The following ACKR3 variants were observed in gnomAD, a reference collection of about 807,000 sequenced individuals.
The protein encoded by ACKR3 is atypical chemokine receptor 3, also known as C-X-C chemokine receptor type 7.
Under a neutral mutation model 22.4 loss-of-function variants are expected in ACKR3, and 6 were observed. The observed-to-expected ratio is 0.27, with a 90% CI of 0.15 to 0.53. ACKR3 has a LOEUF of 0.53. ACKR3 is among the 20% of genes least tolerant of loss of function. The pLI is 0.96. For missense variants in ACKR3, 396 were observed against 475.2 expected, an observed-to-expected ratio of 0.83 and a Z score of 1.55; for synonymous variants, 209 against 205.2, an observed-to-expected ratio of 1.02 and a Z score of -0.16.
chr2:236,553,379 C>T, the ACKR3 span, among the ~76,000 whole-genome samples: 30 of 152,346 alleles, frequency 2.0e-4, no homozygotes, highest in South Asian at 1.7e-3. Flanking sequence ...GGCAGATATA[C>T]GCTTACAGTC....
At chr2:236,570,471 T>C (rs776652201) in intron 1 of ACKR3, among the ~76,000 whole-genome samples, 11 of 152,202 alleles carry the variant, frequency 7.2e-5, no homozygotes, top group Non-Finnish European at 1.3e-4. Flanking sequence ...TTGAATTCAG[T>C]ACTTTGGGGG....
the ACKR3 span, among the ~76,000 whole-genome samples, chr2:236,543,362 G>C: frequency 6.6e-6 from 1 of 152,198 alleles, no homozygotes; most frequent in East Asian, 1.9e-4. Context: ...CTCAGCTTCA[G>C]AGGATCCCCA....
upstream of ACKR3, among the ~76,000 whole-genome samples, chr2:236,567,185 GA>G (rs1162899423): frequency 2.6e-5 from 4 of 152,200 alleles, no homozygotes; most frequent in African/African-American, 7.2e-5. Context: ...TTTTTTAGTA[GA>G]GATGGGGTTT....
the ACKR3 span, among the ~76,000 whole-genome samples, chr2:236,557,151 G>A: frequency 6.6e-6 from 1 of 152,178 alleles, no homozygotes. Context: ...CATGGAAATG[G>A]AGAAAACTTG....
Position 236,581,003 on chromosome 2 carries a change from A to G in ACKR3, c.538A>G (p.Thr180Ala). 6.2e-7 allele frequency: 1 copy of G among 1,614,100 alleles called. No individual in the cohort carries two copies. The highest frequency in any genetic ancestry group is 8.5e-7 in the Non-Finnish European group (1 of 1,180,022). The change falls in exon 2 of 2, where the codon ACC (threonine) becomes GCC (alanine). Residue 180 changes from threonine to alanine, a missense_variant. Coordinates refer to ENST00000272928, the MANE Select transcript of ACKR3 (RefSeq NM_020311.3). This position sits in a 1 kb window ranked among gnomAD's most constrained non-coding sequence, Gnocchi z 4.4. ...LLAFCVSLPD[T>A]YYLKTVTSAS... The stretch of plus-strand genomic sequence containing the variant: ...GGCCTTCTGCGTGTCTCTGCCTGAC[A>G]CCTACTACCTGAAGACCGTCACGTC...
At chr2:236,564,738 T>C (rs1007660055), upstream of ACKR3, among the ~76,000 whole-genome samples, 18 of 152,212 alleles carry the variant, frequency 1.2e-4, no homozygotes, top group African/African-American at 4.3e-4. Flanking sequence ...ATTGTTTTTC[T>C]TTTAAGAATA....
chr2:236,544,290 G>T, the ACKR3 span, among the ~76,000 whole-genome samples: 6 of 152,038 alleles, frequency 3.9e-5, no homozygotes, highest in South Asian at 2.1e-4. The surrounding 1 kb of genome is among the most constrained non-coding windows in gnomAD (Gnocchi z 5.0). Context: ...GCCCGGAGGG[G>T]TTCATATCTT....
At chr2:236,560,101 G>C in the ACKR3 span, among the ~76,000 whole-genome samples, 2 of 152,142 alleles carry the variant, frequency 1.3e-5, no homozygotes, top group South Asian at 2.1e-4. Context: ...TTGAATCTAT[G>C]GAGCAATTTG....
upstream of ACKR3, among the ~76,000 whole-genome samples, chr2:236,563,783 T>G (rs1691121765): frequency 6.6e-6 from 1 of 152,202 alleles, no homozygotes; most frequent in African/African-American, 2.4e-5. Context: ...GTGGGTTTAC[T>G]GCCCAGACTT....
chr2:236,564,592 GTTTT>G (rs532204731), upstream of ACKR3, among the ~76,000 whole-genome samples: 2 of 129,334 alleles, frequency 1.5e-5, no homozygotes, highest in African/African-American at 2.9e-5. Flanking sequence ...TTCCTTCCTA[GTTTT>G]TTTTTTTTTT....
rs749229874 is a variant in ACKR3, at chr2:236,581,354, C to T, written c.889C>T (p.Leu297=). The T allele has an allele frequency of 6.2e-7, 1 of 1,614,108 alleles. No individual in the cohort carries two copies. Among genetic ancestry groups the T allele is most frequent in the East Asian group, 2.2e-5 (1 of 44,876 alleles). ...GCTGGAGCACGCCCTCTTCACGGCCCTGCATGTCACACAGTGCCTGTCGCT... is the reference window on the plus strand; with the variant it reads ...GCTGGAGCACGCCCTCTTCACGGCCTTGCATGTCACACAGTGCCTGTCGCT... ...CRLEHALFTA[L]HVTQCLSLVH... Residue 297 remains leucine, a synonymous_variant, in exon 2 of 2, where the codon CTG becomes TTG. Transcript: ENST00000272928. The surrounding 1 kb of genome is among the most constrained non-coding windows in gnomAD (Gnocchi z 4.4).
Position 236,577,717 on chromosome 2 carries a change from G to C in ACKR3, c.-26-2723G>C, listed in dbSNP as rs1691440420. 1.3e-5 allele frequency among the ~76,000 whole-genome samples: 2 copies of C among 152,196 alleles called. No homozygotes were observed. The highest frequency in any genetic ancestry group is 4.8e-5 in the African/African-American group (2 of 41,446). On this transcript the variant is annotated intron_variant, in intron 1 of 1. Transcript: ENST00000272928. This position sits in a 1 kb window ranked among gnomAD's most constrained non-coding sequence, Gnocchi z 5.6. ...GAATGTCACCATGGTGGGGGAGAGA[G>C]GTGGGGCGGATTCGGGATCCAAGTT... is the stretch of plus-strand genomic sequence containing the variant.
At chr2:236,541,718 C>T in the ACKR3 span, among the ~76,000 whole-genome samples, 2 of 152,120 alleles carry the variant, frequency 1.3e-5, no homozygotes, top group Admixed American at 1.3e-4. Flanking sequence ...GTAATAATCC[C>T]AATGTCAAGG....
At chr2:236,573,636 C>T (rs1315305752) in intron 1 of ACKR3, among the ~76,000 whole-genome samples, 3 of 152,210 alleles carry the variant, frequency 2.0e-5, no homozygotes, top group East Asian at 1.9e-4. Flanking sequence ...GAGCTGGTCC[C>T]GGGGCCCCAG....
At chr2:236,544,475 A>G in the ACKR3 span, among the ~76,000 whole-genome samples, 1 of 152,194 alleles carries the variant, frequency 6.6e-6, no homozygotes, top group East Asian at 1.9e-4. This position sits in a 1 kb window ranked among gnomAD's most constrained non-coding sequence, Gnocchi z 5.0. Context: ...AATGACTGCT[A>G]GGTCTGGAGG....
the ACKR3 span, among the ~76,000 whole-genome samples, chr2:236,560,494 T>C: frequency 6.6e-6 from 1 of 152,196 alleles, no homozygotes; most frequent in Non-Finnish European, 1.5e-5. Context: ...AAATGTCTAT[T>C]CAAGTCCTTA....
chr2:236,549,615 C>T, the ACKR3 span, among the ~76,000 whole-genome samples: 5 of 152,178 alleles, frequency 3.3e-5, no homozygotes, highest in African/African-American at 9.7e-5. This position sits in a 1 kb window ranked among gnomAD's most constrained non-coding sequence, Gnocchi z 5.3. Context: ...TAGGGCAGCA[C>T]CCTCCTCCCT....
chr2:236,570,095 T>C (rs1464383344), intron 1 of ACKR3, among the ~76,000 whole-genome samples, 171 bp downstream of exon 1: 3 of 152,244 alleles, frequency 2.0e-5, no homozygotes, highest in Admixed American at 2.0e-4. Flanking sequence ...CATTGCAAAG[T>C]GCTTTTGCTA....
the ACKR3 span, among the ~76,000 whole-genome samples, chr2:236,538,254 C>T: frequency 6.6e-6 from 1 of 152,136 alleles, no homozygotes; most frequent in Non-Finnish European, 1.5e-5. Context: ...TGAGTGTGTT[C>T]TGCAAAGTAA....
Sources: gnomAD v4.1 joint callset for allele counts (sites outside exome capture counted in the v4.1 genomes callset) on GRCh38, gnomAD v4.1.1 for gene constraint, Gnocchi (gnomAD v3.1) non-coding constraint, MANE v1.5 for transcripts, NCBI Gene and HGNC (gene_info 2026-07-23, HGNC 2026-07-21) for gene names.